Variants in DTD1 observed in about 807,000 individuals in gnomAD.
DTD1 encodes D-tyrosyl-tRNA deacylase 1 homolog.
Under a neutral mutation model 25.6 loss-of-function variants are expected in DTD1, and 13 were observed. The ratio of observed to expected loss-of-function variants is 0.51; its 90% CI spans 0.33 to 0.81. DTD1 has a LOEUF of 0.81. Among genes scored for constraint, DTD1 ranks in the 30% least tolerant of loss-of-function variants. The probability of loss-of-function intolerance (pLI) is 0.02; values close to 1 mark genes in which losing one functional copy is unlikely to be tolerated. For synonymous variants in DTD1, 110 were observed against 103.6 expected (o/e 1.06, Z -0.37); for missense variants, 193 against 266.4 (o/e 0.72, Z 1.92).
chr20:18,741,897 ATTTTTTTTTTTT>A (rs57912866), intron 4 of DTD1, among the ~76,000 whole-genome samples: 1 of 88,724 alleles, frequency 1.1e-5, no homozygotes, highest in Non-Finnish European at 2.3e-5. Context: ...TAACCTTTGT[ATTTTTTTTTTTT>A]TTTTTTTTTT....
intron 1 of DTD1, among the ~76,000 whole-genome samples, chr20:18,589,141 A>G (rs1470297445): frequency 6.6e-6 from 1 of 152,188 alleles, no homozygotes; most frequent in Non-Finnish European, 1.5e-5. Flanking sequence ...ACCTGAGGCC[A>G]GGAGTTCGAG....
At chr20:18,732,011 C>T (rs1052026618) in intron 4 of DTD1, among the ~76,000 whole-genome samples, 2 of 152,206 alleles carry the variant, frequency 1.3e-5, no homozygotes, top group African/African-American at 4.8e-5. Context: ...GCTGAATGCA[C>T]GTCCTGCCCA....
chr20:18,628,339 T>G, intron 4 of DTD1, 106 bp downstream of exon 4: 1 of 834,706 alleles, frequency 1.2e-6, no homozygotes, highest in Non-Finnish European at 1.9e-6. Context: ...TGTTGCAACG[T>G]TGTATTTATT....
chr20:18,588,283 T>C (rs892432411), intron 1 of DTD1, among the ~76,000 whole-genome samples, 168 bp downstream of exon 1: 2 of 151,826 alleles, frequency 1.3e-5, no homozygotes, highest in African/African-American at 4.8e-5. Context: ...CAGGGCCGGC[T>C]TCGGGGCAGC....
At chr20:18,607,454 C>T (rs779847569) in intron 3 of DTD1, among the ~76,000 whole-genome samples, 18 of 152,112 alleles carry the variant, frequency 1.2e-4, no homozygotes, top group South Asian at 2.1e-4. Flanking sequence ...CCACTGCGCC[C>T]GGCTCTTGTA....
intron 5 of DTD1, among the ~76,000 whole-genome samples, chr20:18,751,116 G>A (rs6081353): frequency 0.59 from 89,246 of 151,546 alleles, 26,789 homozygotes; most frequent in Non-Finnish European, 0.63. Flanking sequence ...AAGGTATTCA[G>A]TCCCTTTTCA....
rs141769516 is a variant in DTD1, at chr20:18,738,197, A to G, written c.478-5903A>G. Among the ~76,000 whole-genome samples, 398 of 152,332 alleles carry G rather than the reference A, an allele frequency of 2.6e-3. 4 individuals are homozygous for G. Among genetic ancestry groups the G allele is most frequent in the African/African-American group, 9.0e-3 (376 of 41,576 alleles). On this transcript the variant is annotated intron_variant, in intron 4 of 5. Coordinates refer to ENST00000377452, the MANE Select transcript of DTD1 (RefSeq NM_080820.6). ...GTTAATAGATTAAGCAAGAGAGGTC[A>G]TGTGGCTCCCTGGGAAGAATGCGGG... is the stretch of plus-strand genomic sequence containing the variant.
chr20:18,744,857 G>A (rs2061294177), intron 5 of DTD1, among the ~76,000 whole-genome samples: 1 of 152,088 alleles, frequency 6.6e-6, no homozygotes, highest in Non-Finnish European at 1.5e-5. Context: ...TGAGATTTGG[G>A]TGGGGACACA....
chr20:18,628,627 TGCCCCCCAAG>T (rs1295697524), intron 4 of DTD1, among the ~76,000 whole-genome samples: 1 of 152,222 alleles, frequency 6.6e-6, no homozygotes, highest in Non-Finnish European at 1.5e-5. Flanking sequence ...TGGATAGATG[TGCCCCCCAAG>T]GTTTGCTGTA....
intron 5 of DTD1, among the ~76,000 whole-genome samples, chr20:18,757,061 GCT>G (rs1299835456): frequency 2.0e-5 from 3 of 151,350 alleles, no homozygotes; most frequent in Admixed American, 6.6e-5. Flanking sequence ...TCATGATTTG[GCT>G]CTCTGTTTGT....
chr20:18,591,566 T>C (rs1421751118), intron 1 of DTD1, among the ~76,000 whole-genome samples: 1 of 152,224 alleles, frequency 6.6e-6, no homozygotes, highest in Non-Finnish European at 1.5e-5. Flanking sequence ...TTAAAATGTA[T>C]GAATAGATAC....
intron 4 of DTD1, among the ~76,000 whole-genome samples, chr20:18,681,606 G>A (rs1414729508): frequency 6.6e-6 from 1 of 152,190 alleles, no homozygotes. Context: ...CAGGAAGAGA[G>A]TAGAAGAAAA....
In DTD1 at chr20:18,749,085, G is replaced by A. The variant is rs1254926175; in HGVS notation, c.*19+4814G>A. On this transcript the variant is annotated intron_variant, in intron 5 of 5. Transcript: ENST00000377452. This position sits in a 1 kb window ranked among gnomAD's most constrained non-coding sequence, Gnocchi z 4.2. ...CAGCCTTCAGGTTAGGAGACTCAGC[G>A]GGAAGGAGCAGAGGGACAGATGGAG... 6.6e-6 allele frequency among the ~76,000 whole-genome samples: 1 copy of A among 152,188 alleles called. No homozygotes were observed. Among genetic ancestry groups the A allele is most frequent in the Non-Finnish European group, 1.5e-5 (1 of 68,032 alleles).
At chr20:18,653,627 G>T (rs563934299) in intron 4 of DTD1, among the ~76,000 whole-genome samples, 3 of 152,166 alleles carry the variant, frequency 2.0e-5, no homozygotes, top group Non-Finnish European at 4.4e-5. Flanking sequence ...ATTAGACAGT[G>T]GTTAATTCAT....
chr20:18,729,601 T>C (rs2122503368), intron 4 of DTD1, among the ~76,000 whole-genome samples: 1 of 152,380 alleles, frequency 6.6e-6, no homozygotes, highest in African/African-American at 2.4e-5. Flanking sequence ...AGTCATATAT[T>C]AGAGCCCTTT....
chr20:18,727,578 A>T (rs975918779), intron 4 of DTD1, among the ~76,000 whole-genome samples: 2 of 152,314 alleles, frequency 1.3e-5, no homozygotes, highest in Admixed American at 1.3e-4. Context: ...CATGCCACAC[A>T]GTCCGCACAT....
intron 4 of DTD1, among the ~76,000 whole-genome samples, chr20:18,645,772 G>A (rs910310926): frequency 6.6e-6 from 1 of 152,194 alleles, no homozygotes; most frequent in Non-Finnish European, 1.5e-5. Context: ...AGCAACAACA[G>A]GAACCACAAC....
At chr20:18,753,113 G>C (rs910433946) in intron 5 of DTD1, among the ~76,000 whole-genome samples, 4 of 152,136 alleles carry the variant, frequency 2.6e-5, no homozygotes, top group African/African-American at 9.7e-5. Flanking sequence ...AACTGCATGT[G>C]GCTATTGAGA....
chr20:18,750,503 A>C (rs1049404213), intron 5 of DTD1, among the ~76,000 whole-genome samples: 3 of 152,244 alleles, frequency 2.0e-5, no homozygotes, highest in Non-Finnish European at 1.5e-5. Context: ...AAAAGGCAAA[A>C]GAAAATTGAA....
Sources: allele counts gnomAD v4.1 joint callset (sites outside exome capture counted in the v4.1 genomes callset), GRCh38; gene constraint gnomAD v4.1.1; non-coding constraint Gnocchi (gnomAD v3.1); transcripts MANE v1.5; gene names NCBI Gene and HGNC (gene_info 2026-07-23, HGNC 2026-07-21).